Variants in DYM observed in about 807,000 individuals in gnomAD.
DYM encodes dymeclin, also known as dyggve-Melchior-Clausen syndrome protein.
Under a neutral mutation model 93.1 loss-of-function variants are expected in DYM, and 78 were observed. The ratio of observed to expected loss-of-function variants is 0.84; its 90% CI spans 0.70 to 1.01. The LOEUF is 1.01. Ranked by LOEUF, DYM falls within the 50% of genes least tolerant of loss-of-function variation. The pLI is 0.00. For missense variants in DYM, 789 were observed against 845.0 expected, an observed-to-expected ratio of 0.93 and a Z score of 0.82; for synonymous variants, 321 against 319.7, an observed-to-expected ratio of 1.00 and a Z score of -0.04.
intron 12 of DYM, 55 bp from the exon 13 acceptor site, chr18:49,257,159 C>G: frequency 7.4e-7 from 1 of 1,360,326 alleles, no homozygotes; most frequent in South Asian, 1.2e-5. Flanking sequence ...TATATTTTAA[C>G]CAAGGTTAAC....
intron 2 of DYM, among the ~76,000 whole-genome samples, chr18:49,406,869 A>G (rs1172191168): frequency 6.6e-6 from 1 of 152,230 alleles, no homozygotes; most frequent in Non-Finnish European, 1.5e-5. Flanking sequence ...ATGAAAACTT[A>G]TGTTCACTCA....
chr18:49,306,002 C>T (rs1022633738), intron 8 of DYM, among the ~76,000 whole-genome samples: 1 of 152,168 alleles, frequency 6.6e-6, no homozygotes. Flanking sequence ...TCATTGCACA[C>T]ACATTATAAC....
intron 17 of DYM, among the ~76,000 whole-genome samples, chr18:49,087,526 C>A (rs939108589): frequency 3.9e-5 from 6 of 152,068 alleles, no homozygotes; most frequent in Non-Finnish European, 7.4e-5. Context: ...AATGATTAGC[C>A]AAAAGTAAAT....
At chr18:49,161,971 T>C (rs1249849514) in intron 15 of DYM, among the ~76,000 whole-genome samples, 1 of 152,250 alleles carries the variant, frequency 6.6e-6, no homozygotes, top group African/African-American at 2.4e-5. Flanking sequence ...ATAAAGTTTC[T>C]AAATACCAAT....
At chr18:49,138,889 G>A (rs751702215) in intron 15 of DYM, among the ~76,000 whole-genome samples, 2 of 152,088 alleles carry the variant, frequency 1.3e-5, no homozygotes, top group Non-Finnish European at 2.9e-5. Context: ...TCAGTCAAGC[G>A]TCATTAGAAA....
chr18:49,367,364 A>G (rs1341234342), intron 5 of DYM, among the ~76,000 whole-genome samples: 2 of 152,194 alleles, frequency 1.3e-5, no homozygotes, highest in African/African-American at 4.8e-5. Flanking sequence ...AAGCGAGATG[A>G]TATCTAGGGT....
intron 14 of DYM, among the ~76,000 whole-genome samples, chr18:49,176,433 C>G (rs967980032): frequency 1.3e-5 from 2 of 151,224 alleles, no homozygotes; most frequent in African/African-American, 2.4e-5. Context: ...TTTTAAGAAA[C>G]AGGGTCTCAT....
In DYM at chr18:49,246,131, C is replaced by T. The variant is rs541377971; in HGVS notation, c.1460+10879G>A. ...AAATTGTAAATGCTCGGAAAACTCACAATACTTGTGATAGGGAGTTATCTA... is the reference window on the plus strand; with the variant it reads ...AAATTGTAAATGCTCGGAAAACTCATAATACTTGTGATAGGGAGTTATCTA... On this transcript the variant is annotated intron_variant, in intron 13 of 17. Coordinates refer to ENST00000675505, the MANE Select transcript of DYM (RefSeq NM_001353214.3). 3.9e-5 allele frequency among the ~76,000 whole-genome samples: 6 copies of T among 152,322 alleles called. No individual in the cohort carries two copies. In the South Asian group the frequency reaches 1.2e-3, roughly 32 times the overall value.
At chr18:49,317,559 C>T (rs186331923) in intron 8 of DYM, among the ~76,000 whole-genome samples, 101 of 12,312 alleles carry the variant, frequency 8.2e-3, no homozygotes, top group African/African-American at 0.044. Flanking sequence ...ATTTCTCTCT[C>T]TCTCTCTCTC....
intron 17 of DYM, among the ~76,000 whole-genome samples, chr18:49,075,130 A>T (rs895573095): frequency 6.6e-6 from 1 of 152,142 alleles, no homozygotes; most frequent in Non-Finnish European, 1.5e-5. Flanking sequence ...AACAGCATAG[A>T]TTTTACAGCT....
chr18:49,314,844 T>C (rs1257548631), intron 8 of DYM, among the ~76,000 whole-genome samples: 1 of 152,232 alleles, frequency 6.6e-6, no homozygotes, highest in Non-Finnish European at 1.5e-5. Context: ...CCAAGGTCAT[T>C]AGAGCTCTTC....
Position 49,261,777 on chromosome 18 carries a change from C to T in DYM, c.1252-3284G>A, listed in dbSNP as rs866888930. Among the ~76,000 whole-genome samples, 22 of 152,334 alleles carry T rather than the reference C, an allele frequency of 1.4e-4. No individual in the cohort carries two copies. The South Asian group carries it at 4.3e-3, about 30-fold the overall frequency. ...TTGACATCTATATGCCCACAATTCA[C>T]ATTACCAACTGTTAATATTTTTTAA... On this transcript the variant is annotated intron_variant, in intron 11 of 17. Transcript: ENST00000675505.
Position 49,261,154 on chromosome 18 carries a change from G to A in DYM, c.1252-2661C>T, listed in dbSNP as rs539802433. On this transcript the variant is annotated intron_variant, in intron 11 of 17. Coordinates refer to ENST00000675505, the MANE Select transcript of DYM (RefSeq NM_001353214.3). ...CAGATTAAAAGAATAAAAACACAAAGGAATACCACACTCAATTTCATGTCA... is the reference window on the plus strand; with the variant it reads ...CAGATTAAAAGAATAAAAACACAAAAGAATACCACACTCAATTTCATGTCA... 4.6e-5 allele frequency among the ~76,000 whole-genome samples: 7 copies of A among 152,126 alleles called. No individual in the cohort carries two copies. In the South Asian group the frequency reaches 1.2e-3, roughly 27 times the overall value.
intron 8 of DYM, among the ~76,000 whole-genome samples, chr18:49,305,780 T>C (rs1370778273): frequency 7.1e-6 from 1 of 140,560 alleles, no homozygotes; most frequent in Non-Finnish European, 1.6e-5. Flanking sequence ...TTTGTTGCCT[T>C]ATTTTTCTGC....
intron 14 of DYM, among the ~76,000 whole-genome samples, chr18:49,177,281 C>A (rs1338304969): frequency 1.3e-5 from 2 of 152,048 alleles, no homozygotes; most frequent in African/African-American, 4.8e-5. Flanking sequence ...TCAGGGGAAA[C>A]CTACCAAATA....
chr18:49,105,564 T>C (rs1368755709), intron 16 of DYM, among the ~76,000 whole-genome samples: 1 of 152,242 alleles, frequency 6.6e-6, no homozygotes, highest in Non-Finnish European at 1.5e-5. Flanking sequence ...AATTTCCCTC[T>C]ACACACTGCT....
At chr18:49,171,296 G>C (rs2088689787) in intron 14 of DYM, among the ~76,000 whole-genome samples, 1 of 152,112 alleles carries the variant, frequency 6.6e-6, no homozygotes, top group African/African-American at 2.4e-5. Flanking sequence ...GTCTTTGAAA[G>C]TTTCAGACAT....
intron 1 of DYM, among the ~76,000 whole-genome samples, chr18:49,435,509 C>T (rs1005084021): frequency 2.0e-5 from 3 of 151,728 alleles, no homozygotes; most frequent in African/African-American, 7.3e-5. Flanking sequence ...ACCACAAGGC[C>T]GGGCACAGTG....
intron 2 of DYM, among the ~76,000 whole-genome samples, chr18:49,415,430 T>C: frequency 7.0e-6 from 1 of 142,030 alleles, no homozygotes; most frequent in African/African-American, 2.7e-5. Flanking sequence ...ATTTTTATCT[T>C]TTTTTTTTTT....
Sources: allele counts gnomAD v4.1 joint callset (sites outside exome capture counted in the v4.1 genomes callset), GRCh38; gene constraint gnomAD v4.1.1; transcripts MANE v1.5; gene names NCBI Gene and HGNC (gene_info 2026-07-23, HGNC 2026-07-21).